KRR1: variants seen among roughly 807,000 people sequenced by gnomAD.
The protein encoded by KRR1 is KRR1 small subunit processome component homolog.
A neutral mutation model predicts 50.0 loss-of-function variants in KRR1; 23 were observed. The observed-to-expected ratio is 0.46, with a 90% CI of 0.33 to 0.65. KRR1 has a LOEUF of 0.65. Ranked by LOEUF, KRR1 falls within the 30% of genes least tolerant of loss-of-function variation. The pLI is 0.02. For synonymous variants in KRR1, 133 were observed against 146.3 expected (o/e 0.91, Z 0.66); for missense variants, 419 against 442.4 (o/e 0.95, Z 0.47).
intron 5 of KRR1, among the ~76,000 whole-genome samples, 160 bp from the exon 6 acceptor site, chr12:75,505,414 T>C: frequency 6.6e-6 from 1 of 152,054 alleles, no homozygotes; most frequent in Non-Finnish European, 1.5e-5. Flanking sequence ...TCTCCATCTT[T>C]CATAAAGGCA....
In KRR1 at chr12:75,497,637, G is replaced by C. The variant is rs1372684727; in HGVS notation, c.*2172C>G. 1 of 152,152 alleles carries C rather than the reference G, an allele frequency of 6.6e-6. No homozygotes were observed. The highest frequency in any genetic ancestry group is 1.5e-5 in the Non-Finnish European group (1 of 68,032). 9.4% of individuals were successfully genotyped at this position (152,152 alleles called of 1,614,324 possible). ...TTTTATAAGGTCTGATGAAGGTAAA[G>C]GTTAGAGGATAAAAGCTTTTATTTA... On this transcript the variant is annotated 3_prime_UTR_variant, in exon 10 of 10. Coordinates refer to ENST00000229214, the MANE Select transcript of KRR1 (RefSeq NM_007043.7).
At position 75,511,566 on chromosome 12, in the gene KRR1, T is replaced by A; in HGVS notation, c.32A>T (p.Lys11Ile). The A allele has an allele frequency of 6.2e-7, 1 of 1,614,076 alleles. No individual in the cohort carries two copies. Among genetic ancestry groups the A allele is most frequent in the Non-Finnish European group, 8.5e-7 (1 of 1,179,946 alleles). The change falls in exon 1 of 10, where the codon AAA (lysine) becomes ATA (isoleucine). Residue 11 changes from lysine (K) to isoleucine (I), a missense_variant. Lys to Ile is a moderately radical substitution (Grantham distance 102). Coordinates refer to ENST00000229214, the MANE Select transcript of KRR1 (RefSeq NM_007043.7). ...ACGAAATTCACTTTTTCCAGCGCCT[T>A]TTTCTGGCCGCTCCAGCGAGGGAGA... The part of the protein sequence containing the change: MASPSLERPE[K>I]GAGKSEFRNQ...
At position 75,506,616 on chromosome 12, in the gene KRR1, CAAAAAA is replaced by C. The variant is rs35071517; in HGVS notation, c.394-13_394-8del. 5.6e-5 allele frequency: 77 copies of C among 1,372,628 alleles called. 1 individual carries two copies. Among genetic ancestry groups the C allele is most frequent in the Admixed American group, 1.8e-4 (6 of 33,596 alleles). 85.0% of individuals were successfully genotyped at this position (1,372,628 alleles called of 1,614,324 possible). A position where few individuals can be genotyped will look rare whatever the true frequency, so the allele number is the denominator to read the frequency against. On this transcript the variant is annotated splice_polypyrimidine_tract_variant and splice_region_variant and intron_variant, in intron 3 of 9. Transcript: ENST00000229214. The stretch of plus-strand genomic sequence containing the variant: ...CCTGAAGAATTCGTACTGCCTTTTG[CAAAAAA>C]AAAAAAAAAAAGAAGACATTATCAA...
intron 2 of KRR1, 35 bp downstream of exon 2, chr12:75,508,239 T>C (rs1176225104): frequency 6.7e-7 from 1 of 1,490,594 alleles, no homozygotes; most frequent in Non-Finnish European, 9.0e-7. Context: ...AAGAGCAAAG[T>C]CTCAAATAAA....
chr12:75,500,773 T>C (rs2046388359), intron 9 of KRR1: 1 of 151,982 alleles, frequency 6.6e-6, no homozygotes. Flanking sequence ...AACATCAAAC[T>C]ACCCAGCAAC....
chr12:75,504,159 AAAT>A (rs1233246989), intron 6 of KRR1, 85 bp from the exon 7 acceptor site: 3 of 918,188 alleles, frequency 3.3e-6, no homozygotes, highest in African/African-American at 1.7e-5. Flanking sequence ...TTGCTTCTAT[AAAT>A]AATAAAAGAA....
At position 75,498,662 on chromosome 12, in the gene KRR1, A is replaced by AT. The variant is rs569157020; in HGVS notation, c.*1146dup. 1.1e-5 allele frequency: 17 copies of AT among 1,585,460 alleles called. No individual in the cohort carries two copies. The highest frequency in any genetic ancestry group is 4.5e-5 in the East Asian group (2 of 44,686). On this transcript the variant is annotated 3_prime_UTR_variant, in exon 10 of 10. Transcript: ENST00000229214. ...ACTCTCAACTGTGTCTACCCTTTTA[A>AT]TTTTTTTTCTTTCTTCCCCCTAACT...
chr12:75,493,940 G>A lies in KRR1; in HGVS notation c.*5869C>T, dbSNP rs2046336429. The A allele has an allele frequency of 1.3e-5, 2 of 152,112 alleles. 1 individual carries two copies. Among genetic ancestry groups the A allele is most frequent in the Non-Finnish European group, 2.9e-5 (2 of 68,034 alleles). 9.4% of individuals were successfully genotyped at this position (152,112 alleles called of 1,614,324 possible). Reference sequence around the variant, plus strand: ...GAATGCACAACTAAGTATCATAAATGACTTTATTAAAATCATTCTAGAACT... The same window carrying A: ...GAATGCACAACTAAGTATCATAAATAACTTTATTAAAATCATTCTAGAACT... On this transcript the variant is annotated 3_prime_UTR_variant, in exon 10 of 10. Transcript: ENST00000229214.
chr12:75,507,251 C>A (rs1163617143), intron 2 of KRR1, among the ~76,000 whole-genome samples: 2 of 152,132 alleles, frequency 1.3e-5, no homozygotes, highest in African/African-American at 4.8e-5. Flanking sequence ...TAAAGCTGTA[C>A]AGCTTCCCTA....
Position 75,494,069 on chromosome 12 carries a change from C to T in KRR1, c.*5740G>A, listed in dbSNP as rs933039805. The T allele has an allele frequency of 1.3e-5, 2 of 152,076 alleles. No homozygotes were observed. The highest frequency in any genetic ancestry group is 2.9e-5 in the Non-Finnish European group (2 of 68,024). The allele number at this position is 152,076 out of a possible 1,614,324, so 9.4% of individuals were successfully genotyped here. On this transcript the variant is annotated 3_prime_UTR_variant, in exon 10 of 10. Transcript: ENST00000229214. ...TGCTATCAGAATTTCTACTATATTACCTTTTTTCCATGGTGTAGAGTAAGC... is the reference window on the plus strand; with the variant it reads ...TGCTATCAGAATTTCTACTATATTATCTTTTTTCCATGGTGTAGAGTAAGC...
At position 75,498,384 on chromosome 12, in the gene KRR1, T is replaced by TAATA. The variant is rs3830414; in HGVS notation, c.*1421_*1424dup. On this transcript the variant is annotated 3_prime_UTR_variant, in exon 10 of 10. Coordinates refer to ENST00000229214, the MANE Select transcript of KRR1 (RefSeq NM_007043.7). ...ATATTTTAATAAATTTCTCACATTC[T>TAATA]AATATTTAATTTTTATTTTTTAAAT... The TAATA allele has an allele frequency of 0.31, 62,909 of 200,836 alleles. 10,764 individuals are homozygous for TAATA. The highest frequency in any genetic ancestry group is 0.43 in the East Asian group (3,502 of 8,212). The allele number at this position is 200,836 out of a possible 1,614,324, so 12.4% of individuals were successfully genotyped here. A position where few individuals can be genotyped will look rare whatever the true frequency, so the allele number is the denominator to read the frequency against.
Position 75,495,829 on chromosome 12 carries a change from A to G in KRR1, c.*3980T>C, listed in dbSNP as rs866430699. On this transcript the variant is annotated 3_prime_UTR_variant, in exon 10 of 10. Transcript: ENST00000229214. ...ACTGTTCTAGGAATACATTTAAGAG[A>G]AATTTAAATGTGAAAATCACGTTCT... 10 of 445,946 alleles carry G rather than the reference A, an allele frequency of 2.2e-5. No individual in the cohort carries two copies. The South Asian group carries it at 5.5e-4, about 25-fold the overall frequency. 27.6% of individuals were successfully genotyped at this position (445,946 alleles called of 1,614,324 possible). A position where few individuals can be genotyped will look rare whatever the true frequency, so the allele number is the denominator to read the frequency against.
chr12:75,510,754 A>G (rs956977101), intron 1 of KRR1, among the ~76,000 whole-genome samples: 3 of 152,148 alleles, frequency 2.0e-5, no homozygotes, highest in Non-Finnish European at 2.9e-5. Flanking sequence ...TAAACTCTAT[A>G]TAAGTTGTAT....
Position 75,506,616 on chromosome 12 carries a change from C to CAAAAAAAAAAAAAAA in KRR1, c.394-22_394-8dup, listed in dbSNP as rs35071517. On this transcript the variant is annotated splice_polypyrimidine_tract_variant and splice_region_variant and intron_variant, in intron 3 of 9. Transcript: ENST00000229214. Reference sequence around the variant, plus strand: ...CCTGAAGAATTCGTACTGCCTTTTGCAAAAAAAAAAAAAAAAAGAAGACAT... The same window carrying CAAAAAAAAAAAAAAA: ...CCTGAAGAATTCGTACTGCCTTTTGCAAAAAAAAAAAAAAAAAAAAAAAAAAAAAAAAGAAGACAT... The CAAAAAAAAAAAAAAA allele has an allele frequency of 4.3e-5, 59 of 1,372,760 alleles. 2 individuals are homozygous for CAAAAAAAAAAAAAAA. The African/African-American group carries it at 4.4e-4, about 10-fold the overall frequency. 85.0% of individuals were successfully genotyped at this position (1,372,760 alleles called of 1,614,324 possible). A position where few individuals can be genotyped will look rare whatever the true frequency, so the allele number is the denominator to read the frequency against.
Position 75,499,135 on chromosome 12 carries a change from C to G in KRR1, c.*674G>C. The G allele has an allele frequency of 2.1e-6, 1 of 481,796 alleles. No homozygotes were observed. Among genetic ancestry groups the G allele is most frequent in the East Asian group, 3.4e-5 (1 of 29,386 alleles). The allele number at this position is 481,796 out of a possible 1,614,324, so 29.8% of individuals were successfully genotyped here. A position where few individuals can be genotyped will look rare whatever the true frequency, so the allele number is the denominator to read the frequency against. ...ACTCAAAAGAAGAAATTTCCTAACT[C>G]TATCAGATAAACTCATCTTTAGTAT... is the stretch of plus-strand genomic sequence containing the variant. On this transcript the variant is annotated 3_prime_UTR_variant, in exon 10 of 10. Transcript: ENST00000229214.
intron 7 of KRR1, chr12:75,502,335 G>A (rs2046399932): frequency 5.2e-6 from 1 of 192,470 alleles, no homozygotes; most frequent in Admixed American, 5.7e-5. Flanking sequence ...GGAGGGATAA[G>A]ATTTAGAAAT....
Position 75,511,551 on chromosome 12 carries a change from CT to C in KRR1, c.46del (p.Ser16ValfsTer57). On this transcript the variant is annotated frameshift_variant, in exon 1 of 10. Transcript: ENST00000229214. LOFTEE classifies it high-confidence loss of function. ...CTTCGGCTTCTGGTTACGAAATTCA[CT>C]TTTTCCAGCGCCTTTTTCTGGCCGC... ...LERPEKGAGK[S>X]EFRNQKPKPE... is the part of the protein sequence containing the mutation. 6.2e-7 allele frequency: 1 copy of C among 1,614,128 alleles called. No individual in the cohort carries two copies. The highest frequency in any genetic ancestry group is 2.2e-5 in the East Asian group (1 of 44,886).
chr12:75,505,322 A>C lies in KRR1; in HGVS notation c.604-68T>G, dbSNP rs1247491328. On this transcript the variant is annotated intron_variant, in intron 5 of 9. Transcript: ENST00000229214. ...ATGAGCTATGGAGAAGAGGATTAATACTGCAAAAATCAGGTAATGGGTACC... is the reference window on the plus strand; with the variant it reads ...ATGAGCTATGGAGAAGAGGATTAATCCTGCAAAAATCAGGTAATGGGTACC... 92 of 1,450,488 alleles carry C rather than the reference A, an allele frequency of 6.3e-5. 2 individuals are homozygous for C. The South Asian group carries it at 9.5e-4, about 15-fold the overall frequency. 89.9% of individuals were successfully genotyped at this position (1,450,488 alleles called of 1,614,324 possible). A position where few individuals can be genotyped will look rare whatever the true frequency, so the allele number is the denominator to read the frequency against.
chr12:75,498,870 C>CAGAT lies in KRR1; in HGVS notation c.*935_*938dup, dbSNP rs1471734674. 7 of 1,610,972 alleles carry CAGAT rather than the reference C, an allele frequency of 4.3e-6. No individual in the cohort carries two copies. The African/African-American group carries it at 9.4e-5, about 22-fold the overall frequency. ...CAGGCTGGCCCATATATCCACGTAA[C>CAGAT]AGATACACTTCTCTCTTTCTCATTG... On this transcript the variant is annotated 3_prime_UTR_variant, in exon 10 of 10. Coordinates refer to ENST00000229214, the MANE Select transcript of KRR1 (RefSeq NM_007043.7).
Sources: gnomAD v4.1 joint callset for allele counts (sites outside exome capture counted in the v4.1 genomes callset) on GRCh38, gnomAD v4.1.1 for gene constraint, MANE v1.5 for transcripts, NCBI Gene and HGNC (gene_info 2026-07-23, HGNC 2026-07-21) for gene names.